The following AFAP1L2 variants were observed in gnomAD, a reference collection of about 807,000 sequenced individuals.
AFAP1L2 encodes actin filament-associated protein 1-like 2.
A neutral mutation model predicts 99.3 loss-of-function variants in AFAP1L2; 46 were observed. The ratio of observed to expected loss-of-function variants is 0.46; its 90% CI spans 0.37 to 0.59. The LOEUF (loss-of-function observed/expected upper bound fraction) is 0.59, where lower values mean the gene tolerates loss of function less well. Ranked by LOEUF, AFAP1L2 falls within the 20% of genes least tolerant of loss-of-function variation. The pLI is 0.00. For missense variants in AFAP1L2, 959 were observed against 1,034.9 expected, an observed-to-expected ratio of 0.93 and a Z score of 1.01; for synonymous variants, 397 against 419.1, an observed-to-expected ratio of 0.95 and a Z score of 0.64.
the AFAP1L2 span, chr10:114,282,445 AATC>A: frequency 8.0e-7 from 1 of 1,247,912 alleles, no homozygotes; most frequent in Non-Finnish European, 1.2e-6. Flanking sequence ...TGGTGTTGTA[AATC>A]ATCTTCTGTT....
chr10:114,357,488 T>C (rs1296751143), intron 1 of AFAP1L2, among the ~76,000 whole-genome samples: 1 of 152,144 alleles, frequency 6.6e-6, no homozygotes, highest in Non-Finnish European at 1.5e-5. Context: ...ACAGTACCCT[T>C]GTCTACCCAC....
intron 1 of AFAP1L2, among the ~76,000 whole-genome samples, chr10:114,392,234 A>C (rs1590839978): frequency 6.6e-6 from 1 of 152,110 alleles, no homozygotes; most frequent in East Asian, 1.9e-4. Flanking sequence ...AAAAAATGAA[A>C]AATAAATTAT....
intron 1 of AFAP1L2, among the ~76,000 whole-genome samples, chr10:114,342,958 T>C (rs1359668551): frequency 6.6e-6 from 1 of 152,204 alleles, no homozygotes; most frequent in East Asian, 1.9e-4. Context: ...ATCCAATAAA[T>C]ATTTGTTGAC....
At chr10:114,288,377 G>A in the AFAP1L2 span, among the ~76,000 whole-genome samples, 1 of 152,168 alleles carries the variant, frequency 6.6e-6, no homozygotes, top group Non-Finnish European at 1.5e-5. Flanking sequence ...AGCAGGCATG[G>A]GCCCATTTTG....
intron 1 of AFAP1L2, among the ~76,000 whole-genome samples, chr10:114,390,111 G>A (rs759018348): frequency 6.6e-6 from 1 of 152,192 alleles, no homozygotes; most frequent in African/African-American, 2.4e-5. Context: ...ACTGCTTCGT[G>A]AATTTTGAAT....
At chr10:114,303,886 C>T (rs1350857681) in intron 11 of AFAP1L2, among the ~76,000 whole-genome samples, 3 of 152,220 alleles carry the variant, frequency 2.0e-5, no homozygotes, top group Admixed American at 2.0e-4. Context: ...TCTATAGCAC[C>T]CTCCCCACTT....
intron 1 of AFAP1L2, among the ~76,000 whole-genome samples, chr10:114,343,021 A>G (rs2049031059): frequency 6.6e-6 from 1 of 152,246 alleles, no homozygotes. Flanking sequence ...TGTACATGAA[A>G]GAATCCCATG....
chr10:114,403,108 GAGA>G (rs1288016475), intron 1 of AFAP1L2, among the ~76,000 whole-genome samples: 2 of 152,202 alleles, frequency 1.3e-5, no homozygotes, highest in East Asian at 1.9e-4. Flanking sequence ...AGTAGAATTT[GAGA>G]AGAAGAAAAC....
At chr10:114,367,510 C>A (rs1253471976) in intron 1 of AFAP1L2, among the ~76,000 whole-genome samples, 1 of 152,112 alleles carries the variant, frequency 6.6e-6, no homozygotes, top group African/African-American at 2.4e-5. Flanking sequence ...TGGTCGTGGG[C>A]AAGAGCTAAA....
At chr10:114,363,302 A>C in intron 1 of AFAP1L2, 9 of 413,072 alleles carry the variant, frequency 2.2e-5, no homozygotes, top group South Asian at 1.0e-4. Context: ...TTCACGACAC[A>C]CGCTCTGAGG....
chr10:114,296,151 G>A, intron 18 of AFAP1L2, 83 bp from the exon 19 acceptor site: 2 of 1,573,356 alleles, frequency 1.3e-6, no homozygotes, highest in Admixed American at 1.7e-5. Flanking sequence ...GATATACATA[G>A]AAAAAATGTG....
downstream of AFAP1L2, among the ~76,000 whole-genome samples, chr10:114,291,745 G>C (rs560740568): frequency 1.3e-4 from 20 of 152,358 alleles, no homozygotes; most frequent in East Asian, 2.9e-3. Flanking sequence ...CTTCCCCAGA[G>C]ACATTCTGGA....
intron 1 of AFAP1L2, among the ~76,000 whole-genome samples, chr10:114,381,893 C>G (rs941115485): frequency 3.9e-5 from 6 of 151,976 alleles, no homozygotes; most frequent in African/African-American, 1.5e-4. Flanking sequence ...ACACAGAGCT[C>G]TTAAACATAT....
intron 12 of AFAP1L2, 68 bp from the exon 13 acceptor site, chr10:114,301,533 G>T: frequency 8.3e-7 from 1 of 1,203,192 alleles, no homozygotes; most frequent in South Asian, 1.2e-5. Context: ...CAGACTCCAA[G>T]GATTCCCAGT....
At chr10:114,313,361 C>T (rs1396071027) in intron 7 of AFAP1L2, among the ~76,000 whole-genome samples, 3 of 152,108 alleles carry the variant, frequency 2.0e-5, no homozygotes, top group African/African-American at 7.2e-5. Context: ...CACGTGCATT[C>T]GTGGTGGGAG....
the AFAP1L2 span, chr10:114,284,916 C>A: frequency 6.2e-7 from 1 of 1,605,390 alleles, no homozygotes; most frequent in East Asian, 2.2e-5. Context: ...TCCAGAAGGA[C>A]TGGACGGCTA....
chr10:114,321,499 T>A (rs1019480121), intron 5 of AFAP1L2, among the ~76,000 whole-genome samples: 2 of 152,206 alleles, frequency 1.3e-5, no homozygotes, highest in African/African-American at 4.8e-5. Flanking sequence ...TTTATCCCCC[T>A]CATTGGTTGA....
chr10:114,363,105 C>A, intron 1 of AFAP1L2: 7 of 985,402 alleles, frequency 7.1e-6, no homozygotes, highest in Non-Finnish European at 8.4e-6. Flanking sequence ...AGCCTCTCAG[C>A]ACTGGGCGTC....
intron 1 of AFAP1L2, among the ~76,000 whole-genome samples, chr10:114,363,756 T>A (rs1478966532): frequency 6.6e-6 from 1 of 152,246 alleles, no homozygotes; most frequent in Non-Finnish European, 1.5e-5. Context: ...CAGCCGGTTC[T>A]GTTCATATCA....
Sources: gnomAD v4.1 joint callset for allele counts (sites outside exome capture counted in the v4.1 genomes callset) on GRCh38, gnomAD v4.1.1 for gene constraint, MANE v1.5 for transcripts, NCBI Gene and HGNC (gene_info 2026-07-23, HGNC 2026-07-21) for gene names.